The following KANSL1L variants were observed in gnomAD, a reference collection of about 807,000 sequenced individuals.
The protein encoded by KANSL1L is KAT8 regulatory NSL complex subunit 1-like protein.
In KANSL1L, 25 loss-of-function variants were observed where a neutral mutation model predicts 108.6. The observed-to-expected ratio is 0.23, with a 90% CI of 0.17 to 0.32. KANSL1L has a LOEUF of 0.32. KANSL1L is among the 10% of genes least tolerant of loss of function. KANSL1L has a pLI of 1.00. For synonymous variants in KANSL1L, 405 were observed against 395.1 expected (o/e 1.03, Z -0.30); for missense variants, 1,137 against 1,125.7 (o/e 1.01, Z -0.14).
intron 6 of KANSL1L, among the ~76,000 whole-genome samples, chr2:210,047,063 G>T (rs1410240214): frequency 1.3e-5 from 2 of 151,076 alleles, no homozygotes; most frequent in African/African-American, 4.9e-5. Context: ...ATGCTGGGAG[G>T]GGCAGCCTCC....
At chr2:210,074,720 T>A (rs554002451) in intron 6 of KANSL1L, among the ~76,000 whole-genome samples, 2 of 152,340 alleles carry the variant, frequency 1.3e-5, no homozygotes, top group South Asian at 2.1e-4. Flanking sequence ...TGGACCCTGA[T>A]AAAAGAGCTT....
intron 1 of KANSL1L, among the ~76,000 whole-genome samples, chr2:210,154,840 A>G (rs1476179136): frequency 6.6e-6 from 1 of 152,134 alleles, no homozygotes; most frequent in Non-Finnish European, 1.5e-5. Context: ...GCTAGCACAT[A>G]ATAGGTGTTC....
At chr2:210,042,957 G>A (rs1174959996) in intron 7 of KANSL1L, among the ~76,000 whole-genome samples, 1 of 152,022 alleles carries the variant, frequency 6.6e-6, no homozygotes, top group Non-Finnish European at 1.5e-5. Flanking sequence ...AACCATAAGC[G>A]GAAAATGGAA....
chr2:210,125,820 G>T (rs972728347), intron 3 of KANSL1L, among the ~76,000 whole-genome samples: 3 of 152,044 alleles, frequency 2.0e-5, no homozygotes, highest in Non-Finnish European at 2.9e-5. Context: ...AGGAATCAAA[G>T]AAAACTACCT....
chr2:210,078,396 C>T (rs1250616257), intron 5 of KANSL1L, among the ~76,000 whole-genome samples: 2 of 152,120 alleles, frequency 1.3e-5, no homozygotes, highest in East Asian at 3.9e-4. Flanking sequence ...AGTTTTATTT[C>T]TTTTCTTATG....
chr2:210,065,754 A>T (rs569468222), intron 6 of KANSL1L, among the ~76,000 whole-genome samples: 19 of 151,756 alleles, frequency 1.3e-4, no homozygotes, highest in African/African-American at 4.6e-4. Context: ...CCCGGCTAAT[A>T]TTTGTATTTT....
chr2:210,155,361 G>C (rs1016014996), intron 1 of KANSL1L: 1 of 152,182 alleles, frequency 6.6e-6, no homozygotes, highest in African/African-American at 2.4e-5. Flanking sequence ...GCAGTAAGCA[G>C]AGATCACGCC....
chr2:210,125,547 T>A (rs2095058653), intron 3 of KANSL1L, among the ~76,000 whole-genome samples: 1 of 152,168 alleles, frequency 6.6e-6, no homozygotes, highest in Non-Finnish European at 1.5e-5. Flanking sequence ...CCCTTGTAAA[T>A]ACTGATACAG....
At chr2:210,064,362 T>C (rs749191854) in intron 6 of KANSL1L, 1 of 152,220 alleles carries the variant, frequency 6.6e-6, no homozygotes, top group Non-Finnish European at 1.5e-5. Context: ...ACATTATCAT[T>C]AGTGTTGTAA....
chr2:210,093,335 G>T (rs370839449), intron 5 of KANSL1L, among the ~76,000 whole-genome samples: 2 of 152,212 alleles, frequency 1.3e-5, no homozygotes, highest in Middle Eastern at 3.4e-3. Context: ...TAGTAGAGGC[G>T]GGGTTTTGCC....
chr2:210,112,212 A>G (rs2094913318), intron 3 of KANSL1L, among the ~76,000 whole-genome samples: 2 of 152,158 alleles, frequency 1.3e-5, no homozygotes, highest in African/African-American at 2.4e-5. Flanking sequence ...ATGTGTCTTC[A>G]TAGCAGCAAC....
chr2:210,091,643 A>G (rs1443063649), intron 5 of KANSL1L, among the ~76,000 whole-genome samples: 1 of 152,298 alleles, frequency 6.6e-6, no homozygotes, highest in East Asian at 1.9e-4. Context: ...CAAGCACCTC[A>G]GTGCAATCTG....
chr2:210,149,324 C>G (rs1000239605), intron 2 of KANSL1L, among the ~76,000 whole-genome samples: 8 of 152,058 alleles, frequency 5.3e-5, no homozygotes, highest in African/African-American at 1.9e-4. Context: ...AAGAGTAGTA[C>G]ACTAATACTC....
intron 1 of KANSL1L, among the ~76,000 whole-genome samples, chr2:210,155,640 C>T (rs1401579603): frequency 6.6e-6 from 1 of 152,134 alleles, no homozygotes; most frequent in Non-Finnish European, 1.5e-5. Flanking sequence ...CATAATTAAA[C>T]AAATTTCATT....
chr2:210,071,257 T>G (rs888707787), intron 6 of KANSL1L, among the ~76,000 whole-genome samples: 18 of 151,844 alleles, frequency 1.2e-4, no homozygotes, highest in Admixed American at 7.9e-4. Flanking sequence ...TTCCCCCTTT[T>G]CATTTTTATT....
intron 6 of KANSL1L, among the ~76,000 whole-genome samples, chr2:210,046,404 G>A (rs573907401): frequency 6.6e-6 from 1 of 152,014 alleles, no homozygotes; most frequent in African/African-American, 2.4e-5. Flanking sequence ...TGAGACTCAA[G>A]GTGTACAATT....
rs1171274004 is a variant in KANSL1L at position 210,057,828 on chromosome 2, C to T, written c.1756-13724G>A. 5.3e-5 allele frequency among the ~76,000 whole-genome samples: 8 copies of T among 152,192 alleles called. No individual in the cohort carries two copies. In the South Asian group the frequency reaches 1.0e-3, roughly 20 times the overall value. Reference sequence around the variant, plus strand: ...ACTTATCACTTCCCCAATCAATACCCTTGTGATTTCCTATGCTTGTCTTTA... The same window carrying T: ...ACTTATCACTTCCCCAATCAATACCTTTGTGATTTCCTATGCTTGTCTTTA... On this transcript the variant is annotated intron_variant, in intron 6 of 14. Coordinates refer to ENST00000281772, the MANE Select transcript of KANSL1L (RefSeq NM_152519.4).
At chr2:210,145,548 A>ATC (rs1026443303) in intron 2 of KANSL1L, among the ~76,000 whole-genome samples, 5 of 152,196 alleles carry the variant, frequency 3.3e-5, no homozygotes, top group African/African-American at 1.2e-4. Context: ...TGGTAGAAGT[A>ATC]GTTTCATAGA....
At chr2:210,091,026 A>G (rs1396047274) in intron 5 of KANSL1L, among the ~76,000 whole-genome samples, 2 of 152,258 alleles carry the variant, frequency 1.3e-5, no homozygotes, top group African/African-American at 4.8e-5. Context: ...TCCTTTAGAC[A>G]TTTTTCATTG....
Sources: gnomAD v4.1 joint callset for allele counts (sites outside exome capture counted in the v4.1 genomes callset) on GRCh38, gnomAD v4.1.1 for gene constraint, MANE v1.5 for transcripts, NCBI Gene and HGNC (gene_info 2026-07-23, HGNC 2026-07-21) for gene names.